LHFPL6: variants seen among roughly 807,000 people sequenced by gnomAD.
LHFPL6 encodes the protein LHFPL tetraspan subfamily member 6, also known as LHFPL tetraspan subfamily member 6 protein.
A neutral mutation model predicts 20.6 loss-of-function variants in LHFPL6; 9 were observed. The observed-to-expected ratio is 0.44, with a 90% CI of 0.26 to 0.76. The LOEUF is 0.76. LHFPL6 is among the 30% of genes least tolerant of loss of function. LHFPL6 has a pLI of 0.20. For synonymous variants in LHFPL6, 105 were observed against 98.7 expected, an observed-to-expected ratio of 1.06 and a Z score of -0.38; for missense variants, 218 against 253.5, an observed-to-expected ratio of 0.86 and a Z score of 0.95.
At chr13:39,584,307 T>C (rs4551908) in intron 2 of LHFPL6, among the ~76,000 whole-genome samples, 16,500 of 151,990 alleles carry the variant, frequency 0.11, 1,752 homozygotes, top group African/African-American at 0.27. Context: ...TTTGGGAGGC[T>C]GAGGCAGGCA....
chr13:39,558,230 TG>T (rs1297698723), intron 2 of LHFPL6, among the ~76,000 whole-genome samples: 1 of 152,160 alleles, frequency 6.6e-6, no homozygotes, highest in Non-Finnish European at 1.5e-5. Context: ...AGATGAGCTG[TG>T]GGGCCTTGGA....
chr13:39,411,030 T>A (rs756343136), intron 2 of LHFPL6, among the ~76,000 whole-genome samples: 1 of 152,216 alleles, frequency 6.6e-6, no homozygotes, highest in Non-Finnish European at 1.5e-5. Flanking sequence ...GAGGGATATT[T>A]AAATAAAAGG....
chr13:39,566,716 G>C (rs867164423), intron 2 of LHFPL6, among the ~76,000 whole-genome samples: 19 of 105,766 alleles, frequency 1.8e-4, no homozygotes, highest in African/African-American at 6.4e-4. Flanking sequence ...CTGGGCAACA[G>C]AGCAAGACCC....
chr13:39,498,808 C>T (rs1257705176), intron 2 of LHFPL6, among the ~76,000 whole-genome samples: 1 of 152,222 alleles, frequency 6.6e-6, no homozygotes, highest in Non-Finnish European at 1.5e-5. Flanking sequence ...CCACCAGCAA[C>T]TACAAAAACC....
At chr13:39,549,211 A>C (rs1871072801) in intron 2 of LHFPL6, among the ~76,000 whole-genome samples, 1 of 152,168 alleles carries the variant, frequency 6.6e-6, no homozygotes, top group Non-Finnish European at 1.5e-5. Context: ...TGTTCAACTG[A>C]TTTTCAACGA....
intron 2 of LHFPL6, among the ~76,000 whole-genome samples, chr13:39,538,575 C>T (rs546793529): frequency 4.3e-4 from 64 of 150,442 alleles, no homozygotes; most frequent in Middle Eastern, 3.4e-3. Context: ...AGTGTCATGA[C>T]GAAAGGTACA....
At chr13:39,500,531 A>T (rs568202636) in intron 2 of LHFPL6, among the ~76,000 whole-genome samples, 6 of 152,224 alleles carry the variant, frequency 3.9e-5, no homozygotes, top group Admixed American at 2.0e-4. Context: ...CTGGCATTAT[A>T]GGCATAAGCC....
chr13:39,426,048 T>C (rs146824860), intron 2 of LHFPL6, among the ~76,000 whole-genome samples: 1 of 152,246 alleles, frequency 6.6e-6, no homozygotes, highest in East Asian at 1.9e-4. Context: ...TTTTTATGTG[T>C]ACAAGTGAAT....
chr13:39,583,298 G>A (rs1185121528), intron 2 of LHFPL6, among the ~76,000 whole-genome samples: 1 of 150,962 alleles, frequency 6.6e-6, no homozygotes. Context: ...TCAGCCCCCT[G>A]AGTAGCTGGG....
chr13:39,601,536 C>T (rs992303711), intron 1 of LHFPL6, 146 bp from the exon 2 acceptor site: 34 of 252,186 alleles, frequency 1.3e-4, no homozygotes, highest in African/African-American at 7.2e-4. Flanking sequence ...TCTCTATGAG[C>T]TTCATAACTC....
chr13:39,411,746 G>A (rs978454061), intron 2 of LHFPL6, among the ~76,000 whole-genome samples: 2 of 152,194 alleles, frequency 1.3e-5, no homozygotes, highest in African/African-American at 4.8e-5. Context: ...TCGGGAAGTA[G>A]AACTATAGCC....
At chr13:39,459,196 G>A (rs1195250883) in intron 2 of LHFPL6, among the ~76,000 whole-genome samples, 2 of 26,414 alleles carry the variant, frequency 7.6e-5, no homozygotes, top group Non-Finnish European at 6.2e-5. Flanking sequence ...GTTCCTTAAT[G>A]TGTGTGTGTG....
At chr13:39,542,659 G>T (rs1166787037) in intron 2 of LHFPL6, among the ~76,000 whole-genome samples, 1 of 152,154 alleles carries the variant, frequency 6.6e-6, no homozygotes, top group Non-Finnish European at 1.5e-5. Context: ...AATCCACCCT[G>T]CCTGAGTAAG....
intron 2 of LHFPL6, among the ~76,000 whole-genome samples, chr13:39,501,217 T>C (rs1193302854): frequency 6.6e-6 from 1 of 152,212 alleles, no homozygotes; most frequent in Non-Finnish European, 1.5e-5. Context: ...GCTGGACTAG[T>C]AAGCAGGCCT....
At chr13:39,495,779 A>ATTTTT (rs10558170) in intron 2 of LHFPL6, among the ~76,000 whole-genome samples, 1 of 89,542 alleles carries the variant, frequency 1.1e-5, no homozygotes. Context: ...TAACTCAATA[A>ATTTTT]TTTTTTTTTT....
At chr13:39,577,105 A>C (rs1047693614) in intron 2 of LHFPL6, among the ~76,000 whole-genome samples, 2 of 152,246 alleles carry the variant, frequency 1.3e-5, no homozygotes, top group Non-Finnish European at 2.9e-5. Flanking sequence ...GAAAAGAAAA[A>C]ACAAAACAGT....
intron 2 of LHFPL6, among the ~76,000 whole-genome samples, chr13:39,529,816 A>G (rs921923445): frequency 1.3e-5 from 2 of 152,242 alleles, no homozygotes; most frequent in Non-Finnish European, 2.9e-5. Flanking sequence ...TTGGACTTGC[A>G]TTTATAATCC....
chr13:39,465,505 A>C (rs1872781798), intron 2 of LHFPL6, among the ~76,000 whole-genome samples: 2 of 152,210 alleles, frequency 1.3e-5, no homozygotes, highest in African/African-American at 4.8e-5. Context: ...TTTAAAAATT[A>C]GACTCCCACC....
chr13:39,499,306 G>A (rs562742238), intron 2 of LHFPL6, among the ~76,000 whole-genome samples: 1 of 152,258 alleles, frequency 6.6e-6, no homozygotes, highest in Admixed American at 6.5e-5. Context: ...TACAGTGATG[G>A]TCAAAGTTTG....
Sources: allele counts gnomAD v4.1 joint callset (sites outside exome capture counted in the v4.1 genomes callset), GRCh38; gene constraint gnomAD v4.1.1; transcripts MANE v1.5; gene names NCBI Gene and HGNC (gene_info 2026-07-23, HGNC 2026-07-21).